The following GSK3B variants were observed in gnomAD, a reference collection of about 807,000 sequenced individuals.
The protein encoded by GSK3B is glycogen synthase kinase-3 beta.
In GSK3B, 15 loss-of-function variants were observed where a neutral mutation model predicts 56.4. The observed-to-expected ratio is 0.27, with a 90% confidence interval of 0.18 to 0.41. The LOEUF (loss-of-function observed/expected upper bound fraction) is 0.41. Among genes scored for constraint, GSK3B ranks in the 10% least tolerant of loss-of-function variants. The pLI is 1.00. For synonymous variants in GSK3B, 181 were observed against 188.9 expected (o/e 0.96, Z 0.34); for missense variants, 300 against 513.4 (o/e 0.58, Z 4.02).
intron 7 of GSK3B, among the ~76,000 whole-genome samples, chr3:119,878,669 G>C (rs2056342724): frequency 6.6e-6 from 1 of 152,060 alleles, no homozygotes; most frequent in Admixed American, 6.6e-5. Flanking sequence ...AATATGCATA[G>C]CATATTTTTT....
At chr3:119,890,296 C>T (rs1576177829) in intron 7 of GSK3B, among the ~76,000 whole-genome samples, 1 of 152,004 alleles carries the variant, frequency 6.6e-6, no homozygotes, top group Non-Finnish European at 1.5e-5. Context: ...CAGAATACAA[C>T]TTAGCATAAA....
At chr3:120,002,904 G>C (rs991884435) in intron 1 of GSK3B, among the ~76,000 whole-genome samples, 2 of 152,046 alleles carry the variant, frequency 1.3e-5, no homozygotes. Flanking sequence ...ATTCTAAAAG[G>C]CCTTAGGGCT....
At chr3:120,003,485 G>A (rs1559872113) in intron 1 of GSK3B, among the ~76,000 whole-genome samples, 1 of 151,972 alleles carries the variant, frequency 6.6e-6, no homozygotes, top group Non-Finnish European at 1.5e-5. Context: ...AAGTCCTTAG[G>A]CTCACTTATT....
intron 4 of GSK3B, among the ~76,000 whole-genome samples, chr3:119,921,557 A>G (rs1559837492): frequency 6.6e-6 from 1 of 152,238 alleles, no homozygotes; most frequent in South Asian, 2.1e-4. Context: ...CATACTAATT[A>G]CACTACAGAA....
chr3:119,836,282 G>A (rs1484308530), intron 10 of GSK3B, among the ~76,000 whole-genome samples: 1 of 152,222 alleles, frequency 6.6e-6, no homozygotes, highest in East Asian at 1.9e-4. Flanking sequence ...AACAGTAAGA[G>A]CTTTTCAAAC....
At chr3:120,008,259 T>C (rs760593787) in intron 1 of GSK3B, among the ~76,000 whole-genome samples, 4 of 152,236 alleles carry the variant, frequency 2.6e-5, no homozygotes, top group Non-Finnish European at 5.9e-5. Context: ...AAACATTCCA[T>C]GCTCATGCAT....
chr3:120,050,245 T>A (rs1480293937), intron 1 of GSK3B, among the ~76,000 whole-genome samples: 5 of 152,148 alleles, frequency 3.3e-5, no homozygotes, highest in Admixed American at 3.3e-4. Flanking sequence ...TCATGAGGGA[T>A]CCACCCCCCA....
chr3:119,905,134 G>T (rs1480964897), intron 7 of GSK3B, among the ~76,000 whole-genome samples: 1 of 151,652 alleles, frequency 6.6e-6, no homozygotes, highest in Non-Finnish European at 1.5e-5. Context: ...ATGCAAAGCT[G>T]AATGAAAGCA....
In GSK3B at chr3:120,094,117, G is replaced by T. The variant is rs1400101626; in HGVS notation, c.-683C>A. ...GGCGGCGGCTGGATCCAGCGGCCAT[G>T]GCGGTGGCGGAGGCAGCTCCCTTCA... On this transcript the variant is annotated 5_prime_UTR_variant, in exon 1 of 11. Transcript: ENST00000264235. 4.3e-6 allele frequency: 1 copy of T among 230,152 alleles called. No individual in the cohort carries two copies. Among genetic ancestry groups the T allele is most frequent in the Non-Finnish European group, 8.6e-6 (1 of 115,754 alleles). The allele number at this position is 230,152 out of a possible 1,614,324, so 14.3% of individuals were successfully genotyped here.
At chr3:119,864,525 C>G (rs532262711) in intron 8 of GSK3B, among the ~76,000 whole-genome samples, 1 of 152,244 alleles carries the variant, frequency 6.6e-6, no homozygotes, top group South Asian at 2.1e-4. Flanking sequence ...ACATATATCC[C>G]TCGACAGGAA....
intron 2 of GSK3B, among the ~76,000 whole-genome samples, chr3:119,992,055 T>C (rs982281052): frequency 8.6e-5 from 13 of 152,030 alleles, no homozygotes; most frequent in African/African-American, 2.7e-4. Flanking sequence ...CCTATATTAA[T>C]TTATAAATAA....
At chr3:119,985,220 A>C (rs570203273) in intron 2 of GSK3B, among the ~76,000 whole-genome samples, 1 of 152,340 alleles carries the variant, frequency 6.6e-6, no homozygotes, top group East Asian at 1.9e-4. Flanking sequence ...ACAAACTCAC[A>C]ATCAATATCA....
At chr3:120,036,260 G>T (rs2058021898) in intron 1 of GSK3B, among the ~76,000 whole-genome samples, 1 of 152,126 alleles carries the variant, frequency 6.6e-6, no homozygotes, top group South Asian at 2.1e-4. Flanking sequence ...AAACTGGTAT[G>T]AAGTATAACT....
intron 1 of GSK3B, among the ~76,000 whole-genome samples, chr3:120,082,515 C>A (rs1297113759): frequency 1.3e-5 from 2 of 150,150 alleles, no homozygotes; most frequent in African/African-American, 4.9e-5. Flanking sequence ...TCTGCCTCAG[C>A]CTCCCAAGTA....
chr3:119,950,486 G>C (rs2057147043), intron 2 of GSK3B, among the ~76,000 whole-genome samples: 1 of 152,106 alleles, frequency 6.6e-6, no homozygotes, highest in Non-Finnish European at 1.5e-5. Flanking sequence ...GATAAACACA[G>C]GAAAATAACA....
intron 1 of GSK3B, among the ~76,000 whole-genome samples, chr3:120,025,179 C>A (rs941460632): frequency 6.6e-5 from 10 of 151,986 alleles, no homozygotes; most frequent in Non-Finnish European, 1.3e-4. Flanking sequence ...GCCATCTCTA[C>A]TAAAAATATA....
intron 2 of GSK3B, among the ~76,000 whole-genome samples, chr3:119,959,824 A>T (rs2057253446): frequency 6.6e-6 from 1 of 152,044 alleles, no homozygotes; most frequent in Non-Finnish European, 1.5e-5. Flanking sequence ...AAGTGCTAGG[A>T]TTACAGGCAT....
At chr3:119,930,122 C>CACGT (rs1191812728) in intron 3 of GSK3B, among the ~76,000 whole-genome samples, 9 of 139,730 alleles carry the variant, frequency 6.4e-5, no homozygotes, top group African/African-American at 2.2e-4. Context: ...CACACACACA[C>CACGT]ACGTGCGCAT....
At chr3:120,085,457 T>C (rs2107581704) in intron 1 of GSK3B, among the ~76,000 whole-genome samples, 1 of 152,320 alleles carries the variant, frequency 6.6e-6, no homozygotes, top group African/African-American at 2.4e-5. Context: ...ATACTCAAAA[T>C]CTAGCATTAG....
Sources: allele counts gnomAD v4.1 joint callset (sites outside exome capture counted in the v4.1 genomes callset), GRCh38; gene constraint gnomAD v4.1.1; transcripts MANE v1.5; gene names NCBI Gene and HGNC (gene_info 2026-07-23, HGNC 2026-07-21).